Variants in RSPO1 observed in about 807,000 individuals in gnomAD.
RSPO1 encodes the protein R-spondin-1.
A neutral mutation model predicts 26.0 loss-of-function variants in RSPO1; 18 were observed. That is an observed-to-expected ratio of 0.69 (90% CI 0.48 to 1.03). The LOEUF is 1.03. RSPO1 is among the 50% of genes least tolerant of loss of function. The pLI is 0.00. For synonymous variants in RSPO1, 133 were observed against 137.4 expected (o/e 0.97, Z 0.22); for missense variants, 309 against 352.3 (o/e 0.88, Z 0.98).
chr1:37,629,838 T>A lies in RSPO1; in HGVS notation c.-177A>T, dbSNP rs1234658301. 6.4e-7 allele frequency: 1 copy of A among 1,550,734 alleles called. No individual in the cohort carries two copies. Among genetic ancestry groups the A allele is most frequent in the Non-Finnish European group, 8.7e-7 (1 of 1,146,862 alleles). ...ACAGAGAGGGTGTGGGGAGCCCAGTTCTCCATCAGCTCAAAGGGAGGTCCT... is the reference window on the plus strand; with the variant it reads ...ACAGAGAGGGTGTGGGGAGCCCAGTACTCCATCAGCTCAAAGGGAGGTCCT... On this transcript the variant is annotated 5_prime_UTR_variant, in exon 3 of 7. Coordinates refer to ENST00000356545, the MANE Select transcript of RSPO1 (RefSeq NM_001242908.2).
rs544012878 is a variant in RSPO1, at chr1:37,629,831, G to A, written c.-170C>T. The A allele has an allele frequency of 7.7e-6, 12 of 1,550,848 alleles. No individual in the cohort carries two copies. The highest frequency in any genetic ancestry group is 5.5e-5 in the African/African-American group (4 of 73,034). ...GCTGGGGACAGAGAGGGTGTGGGGA[G>A]CCCAGTTCTCCATCAGCTCAAAGGG... On this transcript the variant is annotated 5_prime_UTR_variant, in exon 3 of 7. Transcript: ENST00000356545.
At chr1:37,630,452 G>A (rs1199766224) in intron 2 of RSPO1, among the ~76,000 whole-genome samples, 2 of 152,236 alleles carry the variant, frequency 1.3e-5, no homozygotes, top group African/African-American at 4.8e-5. Flanking sequence ...GGCAGACCCT[G>A]CCTGGCCCTC....
rs769692720 is a variant in RSPO1 at position 37,616,572 on chromosome 1, C to T, written c.198G>A (p.Arg66=). ...CSPKLFILLE[R]NDIRQVGVCL... ...AGACGCCCACCTGGCGGATGTCGTT[C>T]CTCTCCAGCAGGATGAACAGCTTGG... is the stretch of plus-strand genomic sequence containing the variant. The change falls in exon 4 of 7, where the codon AGG becomes AGA. Residue 66 remains arginine (R), a synonymous_variant. Transcript: ENST00000356545. The T allele has an allele frequency of 2.5e-6, 4 of 1,614,206 alleles. No individual in the cohort carries two copies. Among genetic ancestry groups the T allele is most frequent in the Non-Finnish European group, 2.5e-6 (3 of 1,180,042 alleles).
rs377605382 is a variant in RSPO1 at position 37,613,939 on chromosome 1, T to C, written c.437-47A>G. ...GGAGAGAAGGACAAGGAGGAGGGGA[T>C]CATGTCTCCTCCTCTGGCCCAGAAT... On this transcript the variant is annotated intron_variant, in intron 5 of 6. Transcript: ENST00000356545. The surrounding 1 kb of genome is among the most constrained non-coding windows in gnomAD (Gnocchi z 4.5). The C allele has an allele frequency of 1.0e-4, 161 of 1,570,294 alleles. 1 individual carries two copies. In the East Asian group the frequency reaches 2.1e-3, roughly 21 times the overall value.
chr1:37,612,984 C>T, intron 6 of RSPO1, 63 bp from the exon 7 acceptor site: 3 of 1,579,690 alleles, frequency 1.9e-6, no homozygotes, highest in Non-Finnish European at 2.6e-6. Flanking sequence ...TGGGCATGGC[C>T]ACAGGCCCTA....
At position 37,613,806 on chromosome 1, in the gene RSPO1, G is replaced by A. The variant is rs940271417; in HGVS notation, c.523C>T (p.Arg175Trp). The A allele has an allele frequency of 6.8e-6, 11 of 1,613,854 alleles. No homozygotes were observed. Among genetic ancestry groups the A allele is most frequent in the South Asian group, 3.3e-5 (3 of 91,090 alleles). ...LCGFRRGSEERTRRVLHAPVG... is the reference protein window; with the variant it reads ...LCGFRRGSEEWTRRVLHAPVG... Reference sequence around the variant, plus strand: ...GGGGCATGTAGCACCCTGCGTGTCCGCTCCTCGGAGCCCCTCCGGAAACCA... The same window carrying A: ...GGGGCATGTAGCACCCTGCGTGTCCACTCCTCGGAGCCCCTCCGGAAACCA... Residue 175 changes from arginine (R) to tryptophan (W), a missense_variant, in exon 6 of 7, where the codon CGG becomes TGG. Arg to Trp is a moderately radical substitution (Grantham distance 101). Transcript: ENST00000356545. The surrounding 1 kb of genome is among the most constrained non-coding windows in gnomAD (Gnocchi z 4.5).
At chr1:37,633,494 C>T (rs926832428) in intron 1 of RSPO1, among the ~76,000 whole-genome samples, 7 of 152,210 alleles carry the variant, frequency 4.6e-5, no homozygotes, top group African/African-American at 1.7e-4. Context: ...CTTTCACCTT[C>T]TTGCCTGCAA....
chr1:37,616,911 C>A (rs1485621763), intron 3 of RSPO1, among the ~76,000 whole-genome samples: 1 of 152,198 alleles, frequency 6.6e-6, no homozygotes, highest in Non-Finnish European at 1.5e-5. Flanking sequence ...TAGCTCCAGA[C>A]ACGACACGAG....
intron 3 of RSPO1, among the ~76,000 whole-genome samples, chr1:37,628,661 C>T (rs565909341): frequency 6.6e-6 from 1 of 152,316 alleles, no homozygotes; most frequent in South Asian, 2.1e-4. Flanking sequence ...GCACTGGGGC[C>T]CCATCACTGG....
intron 3 of RSPO1, among the ~76,000 whole-genome samples, chr1:37,618,341 C>T (rs1644148504): frequency 6.6e-6 from 1 of 152,196 alleles, no homozygotes; most frequent in Non-Finnish European, 1.5e-5. Context: ...CTCCTGTGCA[C>T]AGTGACTCTC....
intron 3 of RSPO1, among the ~76,000 whole-genome samples, chr1:37,619,419 G>A (rs1644166082): frequency 6.6e-6 from 1 of 152,240 alleles, no homozygotes. Context: ...AATCCTGGAT[G>A]TCGTGTGCTT....
rs780152153 is a variant in RSPO1 at position 37,629,656 on chromosome 1, C to G, written c.6G>C (p.Arg2=). M[R]LGLCVVALVL... Reference sequence around the variant, plus strand: ...CCAGGGCCACCACACACAGCCCAAGCCGCATAGTCACGCGCCAGCTCCAGG... The same window carrying G: ...CCAGGGCCACCACACACAGCCCAAGGCGCATAGTCACGCGCCAGCTCCAGG... The change falls in exon 3 of 7, where the codon CGG becomes CGC. Residue 2 remains arginine, a synonymous_variant. Transcript: ENST00000356545. The G allele has an allele frequency of 4.3e-6, 7 of 1,614,144 alleles. No individual in the cohort carries two copies. The South Asian group carries it at 7.7e-5, about 18-fold the overall frequency.
At position 37,613,887 on chromosome 1, in the gene RSPO1, A is replaced by G. The variant is rs760924133; in HGVS notation, c.442T>C (p.Cys148Arg). The change falls in exon 6 of 7, where the codon TGT (cysteine) becomes CGT (arginine). Residue 148 changes from cysteine (C) to arginine (R), a missense_variant. Cys to Arg is a radical substitution (Grantham distance 180). Transcript: ENST00000356545. This position sits in a 1 kb window ranked among gnomAD's most constrained non-coding sequence, Gnocchi z 4.5. ...CACGGAGACCACTCGCTCATTTCAC[A>G]TTGCGCTGGCAGGAAGAGAAGGGAA... ...GTMECSSPAQ[C>R]EMSEWSPWGP... 5.0e-6 allele frequency: 8 copies of G among 1,613,976 alleles called. No individual in the cohort carries two copies. The highest frequency in any genetic ancestry group is 2.2e-5 in the East Asian group (1 of 44,876).
intron 2 of RSPO1, among the ~76,000 whole-genome samples, chr1:37,630,398 C>T (rs573406840): frequency 1.3e-5 from 2 of 152,338 alleles, no homozygotes; most frequent in South Asian, 4.1e-4. Context: ...CACCCATGTG[C>T]CTTTCACCTG....
At chr1:37,623,737 A>C (rs900711415) in intron 3 of RSPO1, among the ~76,000 whole-genome samples, 1 of 149,294 alleles carries the variant, frequency 6.7e-6, no homozygotes, top group Non-Finnish European at 1.5e-5. Context: ...AAGAACATAG[A>C]GCTTTATATA....
chr1:37,627,167 A>C (rs1644289268), intron 3 of RSPO1, among the ~76,000 whole-genome samples: 1 of 152,100 alleles, frequency 6.6e-6, no homozygotes, highest in Non-Finnish European at 1.5e-5. Context: ...TGTCAGCCAG[A>C]GTCAACAACC....
chr1:37,612,710 A>G lies in RSPO1; in HGVS notation c.*45T>C. On this transcript the variant is annotated 3_prime_UTR_variant, in exon 7 of 7. Transcript: ENST00000356545. ...CAGGAAAGCTTGAATCACGCAGAGTAGCACTGAACTCTTTCTGCATGGGCC... is the reference window on the plus strand; with the variant it reads ...CAGGAAAGCTTGAATCACGCAGAGTGGCACTGAACTCTTTCTGCATGGGCC... The G allele has an allele frequency of 6.3e-7, 1 of 1,593,044 alleles. No individual in the cohort carries two copies.
chr1:37,627,318 G>A (rs769504449), intron 3 of RSPO1, among the ~76,000 whole-genome samples: 6 of 152,026 alleles, frequency 3.9e-5, no homozygotes, highest in Non-Finnish European at 8.8e-5. Context: ...AATCAGTAAG[G>A]CAAAATGGTC....
At chr1:37,630,820 G>A (rs1294440164) in intron 2 of RSPO1, among the ~76,000 whole-genome samples, 6 of 152,060 alleles carry the variant, frequency 3.9e-5, no homozygotes, top group African/African-American at 9.7e-5. Context: ...GCCTGCCCAC[G>A]CACACCCCAC....
Sources: allele counts gnomAD v4.1 joint callset (sites outside exome capture counted in the v4.1 genomes callset), GRCh38; gene constraint gnomAD v4.1.1; non-coding constraint Gnocchi (gnomAD v3.1); transcripts MANE v1.5; gene names NCBI Gene and HGNC (gene_info 2026-07-23, HGNC 2026-07-21).